The following TEX11 variants were observed in gnomAD, a reference collection of about 807,000 sequenced individuals.
TEX11 encodes the protein testis-expressed protein 11.
TEX11 carries 7 observed loss-of-function variants against 84.4 expected under a neutral mutation model. The ratio of observed to expected loss-of-function variants is 0.08; its 90% confidence interval spans 0.05 to 0.16. The LOEUF (loss-of-function observed/expected upper bound fraction) is 0.16. TEX11 is among the 10% of genes least tolerant of loss of function. TEX11 has a pLI of 1.00. For synonymous variants in TEX11, 264 were observed against 222.8 expected (o/e 1.18, Z -1.64); for missense variants, 551 against 660.5 (o/e 0.83, Z 1.82).
intron 5 of TEX11, among the ~76,000 whole-genome samples, chrX:70,858,454 A>G (rs1200594158): frequency 9.2e-6 from 1 of 108,201 alleles, no homozygotes; most frequent in Non-Finnish European, 1.9e-5. Flanking sequence ...GAAAAAAAAA[A>G]AAAGAAGAAG....
Position 70,758,132 on chromosome X carries a change from T to C in TEX11, c.693-13913A>G, listed in dbSNP as rs751640401. On this transcript the variant is annotated intron_variant, in intron 9 of 29. Coordinates refer to ENST00000374333, the MANE Select transcript of TEX11 (RefSeq NM_031276.3). ...CACCCAGATTCATAAAGCAAGTCCTTAGAGACCTACAAAGAGACTTAGACT... is the reference window on the plus strand; with the variant it reads ...CACCCAGATTCATAAAGCAAGTCCTCAGAGACCTACAAAGAGACTTAGACT... 5.4e-5 allele frequency among the ~76,000 whole-genome samples: 6 copies of C among 111,603 alleles called. No individual in the cohort carries two copies. The South Asian group carries it at 2.3e-3, about 42-fold the overall frequency.
At chrX:70,780,709 G>A (rs998663614) in intron 9 of TEX11, among the ~76,000 whole-genome samples, 5 of 112,722 alleles carry the variant, frequency 4.4e-5, no homozygotes, top group African/African-American at 1.3e-4. Flanking sequence ...CACTGCTAGC[G>A]CATCAGTTTG....
intron 25 of TEX11, among the ~76,000 whole-genome samples, chrX:70,562,366 T>C (rs2088386762): frequency 9.0e-6 from 1 of 111,707 alleles, no homozygotes; most frequent in Non-Finnish European, 1.9e-5. Flanking sequence ...TTTTGGATAC[T>C]GTAATAATTT....
intron 16 of TEX11, among the ~76,000 whole-genome samples, chrX:70,663,798 C>T (rs1234571421): frequency 9.0e-6 from 1 of 111,533 alleles, no homozygotes; most frequent in African/African-American, 3.3e-5. Context: ...ATTGATAAAT[C>T]CTAAATCGAA....
chrX:70,728,505 C>A (rs985328892), intron 11 of TEX11, among the ~76,000 whole-genome samples: 1 of 112,845 alleles, frequency 8.9e-6, no homozygotes, highest in East Asian at 2.8e-4. Context: ...AACAAAACAC[C>A]AGGAAATTAA....
At chrX:70,781,951 C>G (rs1174980138) in intron 9 of TEX11, among the ~76,000 whole-genome samples, 1 of 110,904 alleles carries the variant, frequency 9.0e-6, no homozygotes, top group Admixed American at 9.6e-5. Flanking sequence ...CATTCAAATT[C>G]AGGGAAATAC....
chrX:70,849,874 C>T (rs1474423692), intron 7 of TEX11, among the ~76,000 whole-genome samples: 2 of 111,950 alleles, frequency 1.8e-5, no homozygotes, highest in Non-Finnish European at 3.8e-5. Flanking sequence ...ACAAATGCTA[C>T]AAGACTTTCT....
At chrX:70,822,801 G>T (rs779949184) in intron 8 of TEX11, among the ~76,000 whole-genome samples, 1 of 111,442 alleles carries the variant, frequency 9.0e-6, no homozygotes, top group Non-Finnish European at 1.9e-5. Context: ...AAATCACATG[G>T]CTAGAGAGTG....
At chrX:70,699,307 G>A (rs1172176562) in intron 13 of TEX11, among the ~76,000 whole-genome samples, 1 of 111,310 alleles carries the variant, frequency 9.0e-6, no homozygotes, top group Admixed American at 9.6e-5. Context: ...AAGACTCCAG[G>A]CAATAACCAC....
intron 13 of TEX11, among the ~76,000 whole-genome samples, chrX:70,699,889 T>G (rs1392374348): frequency 9.0e-6 from 1 of 111,018 alleles, no homozygotes; most frequent in Admixed American, 9.6e-5. Flanking sequence ...ATCAAAACTT[T>G]GTTAACTTTT....
chrX:70,818,088 A>G (rs985758715), intron 8 of TEX11, among the ~76,000 whole-genome samples: 1 of 111,421 alleles, frequency 9.0e-6, no homozygotes, highest in Non-Finnish European at 1.9e-5. Context: ...CAGGAGATCA[A>G]GTCCAGCCAG....
intron 5 of TEX11, among the ~76,000 whole-genome samples, chrX:70,855,330 C>T (rs1383121346): frequency 1.8e-5 from 2 of 110,062 alleles, no homozygotes; most frequent in African/African-American, 6.6e-5. Flanking sequence ...TTTGGGAGGC[C>T]GAGGCGGGTG....
intron 4 of TEX11, among the ~76,000 whole-genome samples, chrX:70,864,992 C>T (rs1331611121): frequency 3.6e-5 from 4 of 110,830 alleles, no homozygotes; most frequent in Non-Finnish European, 5.7e-5. Flanking sequence ...CATCAATTAA[C>T]GAGCAAAATA....
chrX:70,718,503 T>C (rs1396132768), intron 13 of TEX11, among the ~76,000 whole-genome samples: 1 of 112,170 alleles, frequency 8.9e-6, no homozygotes, highest in Non-Finnish European at 1.9e-5. Context: ...ATGAGCACTT[T>C]CGCGAGAAAG....
intron 25 of TEX11, among the ~76,000 whole-genome samples, chrX:70,581,528 G>A (rs1317842702): frequency 9.1e-6 from 1 of 110,172 alleles, no homozygotes; most frequent in African/African-American, 3.3e-5. Context: ...TTGATCCCCT[G>A]ACCTCGTGAT....
intron 28 of TEX11, among the ~76,000 whole-genome samples, chrX:70,551,097 C>G (rs1232958111): frequency 2.7e-5 from 3 of 111,364 alleles, no homozygotes; most frequent in Admixed American, 9.6e-5. Flanking sequence ...CAGTCACTTG[C>G]AACAACATGG....
chrX:70,585,433 C>T (rs779622183), intron 25 of TEX11, among the ~76,000 whole-genome samples: 6 of 111,892 alleles, frequency 5.4e-5, no homozygotes, highest in African/African-American at 1.9e-4. Context: ...GTCAACATTT[C>T]AAAACTTATA....
At chrX:70,734,738 G>A (rs2090682679) in intron 11 of TEX11, among the ~76,000 whole-genome samples, 1 of 111,688 alleles carries the variant, frequency 9.0e-6, no homozygotes. Flanking sequence ...GTTGCTGGGT[G>A]GTCCAGTATG....
chrX:70,511,893 C>T, the TEX11 span, among the ~76,000 whole-genome samples: 1 of 106,583 alleles, frequency 9.4e-6, no homozygotes, highest in Non-Finnish European at 1.9e-5. Context: ...ATCCGATTTA[C>T]CCAGTGTTGC....
Sources: gnomAD v4.1 joint callset for allele counts (sites outside exome capture counted in the v4.1 genomes callset) on GRCh38, gnomAD v4.1.1 for gene constraint, MANE v1.5 for transcripts, NCBI Gene and HGNC (gene_info 2026-07-23, HGNC 2026-07-21) for gene names.